MTOR: variants seen among roughly 807,000 people sequenced by gnomAD.
MTOR encodes serine/threonine-protein kinase mTOR.
MTOR carries 70 observed loss-of-function variants against 319.8 expected under a neutral mutation model. The observed-to-expected ratio is 0.22, with a 90% CI of 0.18 to 0.27. The LOEUF is 0.27. Ranked by LOEUF, MTOR falls within the 10% of genes least tolerant of loss-of-function variation. MTOR has a pLI of 1.00. For synonymous variants in MTOR, 1,183 were observed against 1,211.4 expected (o/e 0.98, Z 0.49); for missense variants, 1,890 against 3,274.4 (o/e 0.58, Z 10.32).
intron 24 of MTOR, 108 bp downstream of exon 24, chr1:11,210,706 C>T (rs983623466): frequency 8.4e-6 from 7 of 829,354 alleles, no homozygotes; most frequent in Non-Finnish European, 1.1e-5. Flanking sequence ...GTTTGCCAAT[C>T]CCTAATTTAC....
intron 49 of MTOR, among the ~76,000 whole-genome samples, chr1:11,120,259 C>A (rs1446655406): frequency 6.6e-6 from 1 of 151,896 alleles, no homozygotes; most frequent in Non-Finnish European, 1.5e-5. Context: ...GTCTCACAGG[C>A]TAGGTGTGGT....
chr1:11,123,220 A>C (rs1437144904), intron 47 of MTOR, among the ~76,000 whole-genome samples: 3 of 152,270 alleles, frequency 2.0e-5, no homozygotes, highest in East Asian at 3.9e-4. Context: ...TAAATTATAA[A>C]ATTTTATAAC....
chr1:11,257,592 T>C (rs1171579614), intron 3 of MTOR, among the ~76,000 whole-genome samples: 8 of 141,344 alleles, frequency 5.7e-5, no homozygotes, highest in Non-Finnish European at 7.6e-5. Flanking sequence ...AAAAAAAAAA[T>C]CTGGCGAGTG....
At chr1:11,123,920 C>T (rs1178214155) in intron 47 of MTOR, among the ~76,000 whole-genome samples, 1 of 150,814 alleles carries the variant, frequency 6.6e-6, no homozygotes, top group Non-Finnish European at 1.5e-5. Flanking sequence ...CCTGAGTAGC[C>T]GGGATTACAG....
At chr1:11,141,079 A>C (rs1385274168) in intron 34 of MTOR, among the ~76,000 whole-genome samples, 1 of 151,380 alleles carries the variant, frequency 6.6e-6, no homozygotes, top group African/African-American at 2.4e-5. Flanking sequence ...AAAAGTATAC[A>C]CAGAAGGGGA....
chr1:11,128,178 A>T lies in MTOR; in HGVS notation c.5911-52T>A, dbSNP rs2100415441. 2 of 1,605,920 alleles carry T rather than the reference A, an allele frequency of 1.2e-6. No individual in the cohort carries two copies. Among genetic ancestry groups the T allele is most frequent in the Non-Finnish European group, 1.7e-6 (2 of 1,176,386 alleles). On this transcript the variant is annotated intron_variant, in intron 42 of 57. Coordinates refer to ENST00000361445, the MANE Select transcript of MTOR (RefSeq NM_004958.4). The surrounding 1 kb of genome is among the most constrained non-coding windows in gnomAD (Gnocchi z 5.3). ...ATAAAGGAAATGTGGGTTGGGGAAGAGCTGGTATGAATTTTAAGGAGAATA... is the reference window on the plus strand; with the variant it reads ...ATAAAGGAAATGTGGGTTGGGGAAGTGCTGGTATGAATTTTAAGGAGAATA...
intron 29 of MTOR, among the ~76,000 whole-genome samples, chr1:11,165,278 C>G (rs1390125918): frequency 8.0e-6 from 1 of 124,504 alleles, no homozygotes; most frequent in Non-Finnish European, 1.5e-5. Context: ...AAATAAAAGG[C>G]AATTAGGAAA....
intron 28 of MTOR, among the ~76,000 whole-genome samples, chr1:11,176,454 C>G (rs577301380): frequency 5.3e-5 from 8 of 152,358 alleles, no homozygotes; most frequent in African/African-American, 1.9e-4. Flanking sequence ...GCGCTCCCAT[C>G]AGGAATGTAT....
chr1:11,119,051 AAAT>A (rs1436106854), intron 49 of MTOR, among the ~76,000 whole-genome samples: 1 of 152,196 alleles, frequency 6.6e-6, no homozygotes, highest in Non-Finnish European at 1.5e-5. Flanking sequence ...GTTAAGACTT[AAAT>A]GTAAAAAAAA....
chr1:11,233,173 T>G (rs1435110692), intron 15 of MTOR: 2 of 897,272 alleles, frequency 2.2e-6, no homozygotes, highest in African/African-American at 1.7e-5. Context: ...CACAATGATA[T>G]TACCATATCA....
At chr1:11,132,149 A>C (rs920923071) in intron 38 of MTOR, 2 of 152,242 alleles carry the variant, frequency 1.3e-5, no homozygotes, top group Non-Finnish European at 2.9e-5. Flanking sequence ...AAAGTTCCTG[A>C]AACCAACTTT....
In MTOR at chr1:11,126,675, G is replaced by T. The variant is rs770298810; in HGVS notation, c.6473C>A (p.Pro2158Gln). ...CTTGGATGTGATGACTTGCAAAGAC[G>T]GTGCTATGGACTGAATGCGAATGAT... ...QPIIRIQSIA[P>Q]SLQVITSKQR... is the part of the protein sequence containing the mutation. The change falls in exon 46 of 58, where the codon CCG (proline) becomes CAG (glutamine). Residue 2158 changes from proline (P) to glutamine (Q), a missense_variant. By Grantham distance (76) the Pro-to-Gln change is moderately conservative. Coordinates refer to ENST00000361445, the MANE Select transcript of MTOR (RefSeq NM_004958.4). The T allele has an allele frequency of 6.2e-7, 1 of 1,613,828 alleles. No individual in the cohort carries two copies. Among genetic ancestry groups the T allele is most frequent in the Admixed American group, 1.7e-5 (1 of 59,956 alleles).
At chr1:11,259,488 C>A (rs1033440207) in intron 1 of MTOR, 65 bp from the exon 2 acceptor site, 4 of 1,484,578 alleles carry the variant, frequency 2.7e-6, no homozygotes, top group Non-Finnish European at 3.6e-6. Flanking sequence ...TACTTATGGC[C>A]CTGGTCACCC....
Position 11,146,698 on chromosome 1 carries a change from T to C in MTOR, c.4664A>G (p.Asp1555Gly), listed in dbSNP as rs1395416048. 1.2e-6 allele frequency: 2 copies of C among 1,613,880 alleles called. No homozygotes were observed. Among genetic ancestry groups the C allele is most frequent in the Non-Finnish European group, 1.7e-6 (2 of 1,179,964 alleles). The change falls in exon 32 of 58, where the codon GAC (aspartate) becomes GGC (glycine). Residue 1555 changes from aspartate to glycine, a missense_variant. By Grantham distance (94) the Asp-to-Gly change is moderately conservative. Around this residue, in one of 15 missense-constraint regions of MTOR, gnomAD observed 276 missense variants for 459.4 expected, o/e 0.60. Coordinates refer to ENST00000361445, the MANE Select transcript of MTOR (RefSeq NM_004958.4). ...TACCTGTTGTGCCAAGGAGAAGAGG[T>C]CCTGATGCAGTGCCAGCACAGCTCT... Reference protein sequence around the residue: ...FYRAVLALHQDLFSLAQQCID... With the variant: ...FYRAVLALHQGLFSLAQQCID...
At chr1:11,251,510 A>G (rs1371268949) in intron 6 of MTOR, among the ~76,000 whole-genome samples, 1 of 152,158 alleles carries the variant, frequency 6.6e-6, no homozygotes, top group Non-Finnish European at 1.5e-5. Flanking sequence ...ATCTTCCCTT[A>G]TAAGAATGGA....
chr1:11,233,277 G>A (rs1322030704), intron 15 of MTOR, 121 bp downstream of exon 15: 11 of 907,084 alleles, frequency 1.2e-5, no homozygotes, highest in Admixed American at 2.3e-5. Flanking sequence ...ATTGTTGGCT[G>A]GGTTCCGCAA....
In MTOR at chr1:11,199,335, T is replaced by C; in HGVS notation, c.4176A>G (p.Ala1392=). The C allele has an allele frequency of 6.2e-7, 1 of 1,614,206 alleles. No individual in the cohort carries two copies. The highest frequency in any genetic ancestry group is 1.1e-5 in the South Asian group (1 of 91,076). ...LLGERAAKCR[A]YAKALHYKEL... ...CTTTGTAGTGTAGTGCTTTGGCATATGCTCGGCACTTGGCAGCTCTCTCAC... is the reference window on the plus strand; with the variant it reads ...CTTTGTAGTGTAGTGCTTTGGCATACGCTCGGCACTTGGCAGCTCTCTCAC... Residue 1392 remains alanine (A), a synonymous_variant, in exon 28 of 58, where the codon GCA becomes GCG. Coordinates refer to ENST00000361445, the MANE Select transcript of MTOR (RefSeq NM_004958.4). This position sits in a 1 kb window ranked among gnomAD's most constrained non-coding sequence, Gnocchi z 4.5.
intron 8 of MTOR, among the ~76,000 whole-genome samples, chr1:11,244,311 A>C (rs889435687): frequency 3.4e-5 from 5 of 148,728 alleles, no homozygotes; most frequent in Non-Finnish European, 6.0e-5. Context: ...AAAAAAAAAA[A>C]AAAAAGACCC....
Position 11,127,121 on chromosome 1 carries a change from C to T in MTOR, c.6240G>A (p.Glu2080=). The change falls in exon 45 of 58, where the codon GAG becomes GAA. Residue 2080 remains glutamate, a synonymous_variant. Transcript: ENST00000361445. The surrounding 1 kb of genome is among the most constrained non-coding windows in gnomAD (Gnocchi z 5.5). ...TGTACTTCCTGCACCACTCTTGGGC[C>T]TCCATTAAATCTCGACCATAGGCCT... The part of the protein sequence containing the change: ...FNQAYGRDLM[E]AQEWCRKYMK... 1.2e-6 allele frequency: 2 copies of T among 1,614,132 alleles called. No homozygotes were observed. The highest frequency in any genetic ancestry group is 1.7e-6 in the Non-Finnish European group (2 of 1,180,032).
Sources: allele counts gnomAD v4.1 joint callset (sites outside exome capture counted in the v4.1 genomes callset), GRCh38; gene constraint gnomAD v4.1.1; regional missense constraint gnomAD v4.1.1; non-coding constraint Gnocchi (gnomAD v3.1); transcripts MANE v1.5; gene names NCBI Gene and HGNC (gene_info 2026-07-23, HGNC 2026-07-21).